Variants in NTM observed in about 807,000 individuals in gnomAD.
NTM encodes the protein IgLON family member 2.
A neutral mutation model predicts 42.1 loss-of-function variants in NTM; 13 were observed. That is an observed-to-expected ratio of 0.31 (90% confidence interval 0.20 to 0.49). The LOEUF is 0.49. Ranked by LOEUF, NTM falls within the 20% of genes least tolerant of loss-of-function variation. NTM has a pLI of 0.99. For missense variants in NTM, 373 were observed against 452.8 expected (o/e 0.82, Z 1.60); for synonymous variants, 187 against 179.2 (o/e 1.04, Z -0.35).
intron 3 of NTM, among the ~76,000 whole-genome samples, chr11:132,192,243 A>G (rs919434598): frequency 2.0e-5 from 3 of 152,186 alleles, no homozygotes; most frequent in African/African-American, 4.8e-5. Flanking sequence ...GTGAAAGAAA[A>G]AATATTAAAG....
chr11:131,460,584 G>A (rs553108667), intron 1 of NTM, among the ~76,000 whole-genome samples: 2 of 151,886 alleles, frequency 1.3e-5, no homozygotes, highest in East Asian at 1.9e-4. Flanking sequence ...ATGGAGTCTC[G>A]CTCTGTCGCC....
chr11:132,040,707 G>A (rs1594023586), intron 2 of NTM, among the ~76,000 whole-genome samples: 1 of 152,184 alleles, frequency 6.6e-6, no homozygotes, highest in East Asian at 1.9e-4. Flanking sequence ...ATTAAAATGT[G>A]AGAACAAAGC....
intron 1 of NTM, among the ~76,000 whole-genome samples, chr11:131,566,382 G>T (rs776384629): frequency 6.6e-6 from 1 of 152,042 alleles, no homozygotes; most frequent in Admixed American, 6.6e-5. Flanking sequence ...CCAGGAGGGA[G>T]TCTCCCCGTA....
intron 2 of NTM, among the ~76,000 whole-genome samples, chr11:132,134,184 A>G (rs753504912): frequency 6.6e-6 from 1 of 151,958 alleles, no homozygotes; most frequent in Non-Finnish European, 1.5e-5. Flanking sequence ...TAGCTTCTCA[A>G]AATGCTGGGA....
intron 1 of NTM, among the ~76,000 whole-genome samples, chr11:131,573,245 G>A (rs954671886): frequency 3.9e-5 from 6 of 152,166 alleles, no homozygotes; most frequent in African/African-American, 1.2e-4. Context: ...TTGGAACAGG[G>A]AAGACTGGGG....
chr11:131,374,349 C>A (rs115574057), intron 1 of NTM, among the ~76,000 whole-genome samples: 2 of 152,224 alleles, frequency 1.3e-5, no homozygotes, highest in African/African-American at 4.8e-5. Context: ...AGAGTGTCTG[C>A]CCTGGCCGGC....
At chr11:131,685,068 C>A (rs2073647307) in intron 1 of NTM, among the ~76,000 whole-genome samples, 1 of 152,224 alleles carries the variant, frequency 6.6e-6, no homozygotes, top group African/African-American at 2.4e-5. Context: ...TCTAGAAATT[C>A]TAAGTTGGAG....
chr11:131,650,123 C>T, intron 1 of NTM, among the ~76,000 whole-genome samples: 1 of 152,192 alleles, frequency 6.6e-6, no homozygotes, highest in Non-Finnish European at 1.5e-5. Flanking sequence ...ACCACACAGA[C>T]TATTCATGGT....
rs375978935 is a variant in NTM, at chr11:131,569,194, G to T, written c.82+198306G>T. ...AGTTTCGCTCTCGTCACCCAGGCTG[G>T]TGTGCAATGGCACAATCTTGGCTCA... On this transcript the variant is annotated intron_variant, in intron 1 of 8. Transcript: ENST00000683400. 4.8e-4 allele frequency among the ~76,000 whole-genome samples: 73 copies of T among 150,884 alleles called. 1 individual carries two copies. Among genetic ancestry groups the T allele is most frequent in the African/African-American group, 1.7e-3 (71 of 40,742 alleles).
At chr11:132,112,415 TC>T (rs1427213388) in intron 2 of NTM, among the ~76,000 whole-genome samples, 2 of 152,172 alleles carry the variant, frequency 1.3e-5, no homozygotes, top group Non-Finnish European at 2.9e-5. Context: ...CAGAAACCAT[TC>T]CCTTAGTAAA....
At chr11:131,911,728 G>A in intron 2 of NTM, 80 bp downstream of exon 2, 1 of 1,558,068 alleles carries the variant, frequency 6.4e-7, no homozygotes, top group Admixed American at 1.7e-5. Context: ...TGTGTGCACT[G>A]AGGCGTGCCT....
At chr11:132,120,327 G>T (rs2064583338) in intron 2 of NTM, among the ~76,000 whole-genome samples, 1 of 152,168 alleles carries the variant, frequency 6.6e-6, no homozygotes, top group African/African-American at 2.4e-5. Context: ...CCAGGAGTTG[G>T]TAGACTTAGA....
At chr11:132,006,422 C>A (rs1224720661) in intron 2 of NTM, among the ~76,000 whole-genome samples, 1 of 152,110 alleles carries the variant, frequency 6.6e-6, no homozygotes, top group African/African-American at 2.4e-5. Flanking sequence ...AAAATAATAA[C>A]CCAACAATGA....
chr11:131,477,177 C>A (rs1953037621), intron 1 of NTM, among the ~76,000 whole-genome samples: 1 of 152,120 alleles, frequency 6.6e-6, no homozygotes, highest in Non-Finnish European at 1.5e-5. Flanking sequence ...AGAATCACAT[C>A]TATTTGTATC....
At chr11:131,860,563 A>C (rs779591895) in intron 1 of NTM, among the ~76,000 whole-genome samples, 2 of 152,302 alleles carry the variant, frequency 1.3e-5, no homozygotes, top group Non-Finnish European at 2.9e-5. Context: ...TCCCAGAAGG[A>C]AAATACGTAT....
chr11:132,189,842 G>A (rs775959146), intron 3 of NTM, among the ~76,000 whole-genome samples: 10 of 152,328 alleles, frequency 6.6e-5, no homozygotes, highest in Admixed American at 2.6e-4. Context: ...ATGAACAATC[G>A]TTTGTGGTGC....
chr11:131,420,514 C>T lies in NTM; in HGVS notation c.82+49626C>T, dbSNP rs78477065. On this transcript the variant is annotated intron_variant, in intron 1 of 8. Coordinates refer to ENST00000683400, the MANE Select transcript of NTM (RefSeq NM_001352005.2). ...CTACGTCTGTGGTGATCTGTTACAG[C>T]GGCAGTAGGAAACTAACATAGACAG... Among the ~76,000 whole-genome samples, 1,158 of 152,268 alleles carry T rather than the reference C, an allele frequency of 7.6e-3. 11 individuals are homozygous for T. Among genetic ancestry groups the T allele is most frequent in the African/African-American group, 0.025 (1,024 of 41,560 alleles).
chr11:131,798,775 T>C (rs1232414657), intron 1 of NTM, among the ~76,000 whole-genome samples: 1 of 152,234 alleles, frequency 6.6e-6, no homozygotes, highest in Non-Finnish European at 1.5e-5. Context: ...TTAAGATGTC[T>C]GCAACCTCCT....
intron 1 of NTM, among the ~76,000 whole-genome samples, chr11:131,494,183 T>C (rs11222671): frequency 0.053 from 8,058 of 152,236 alleles, 529 homozygotes; most frequent in East Asian, 0.18. Context: ...TTGTTATTAT[T>C]ATTATTTTCA....
Sources: allele counts gnomAD v4.1 joint callset (sites outside exome capture counted in the v4.1 genomes callset), GRCh38; gene constraint gnomAD v4.1.1; transcripts MANE v1.5; gene names NCBI Gene and HGNC (gene_info 2026-07-23, HGNC 2026-07-21).